The following MIS18A variants were observed in gnomAD, a reference collection of about 807,000 sequenced individuals.
MIS18A encodes protein Mis18-alpha.
In MIS18A, 14 loss-of-function variants were observed where a neutral mutation model predicts 25.0. That is an observed-to-expected ratio of 0.56 (90% CI 0.37 to 0.88). The LOEUF (loss-of-function observed/expected upper bound fraction) is 0.88. Ranked by LOEUF, MIS18A falls within the 40% of genes least tolerant of loss-of-function variation. MIS18A has a pLI of 0.00. For missense variants in MIS18A, 292 were observed against 290.8 expected (o/e 1.00, Z -0.03); for synonymous variants, 134 against 118.6 (o/e 1.13, Z -0.84).
At chr21:32,214,840 C>A in the MIS18A span, among the ~76,000 whole-genome samples, 1 of 152,234 alleles carries the variant, frequency 6.6e-6, no homozygotes, top group African/African-American at 2.4e-5. Context: ...CTCACCTGCC[C>A]AGTGATCACA....
At chr21:32,238,460 T>C in the MIS18A span, among the ~76,000 whole-genome samples, 18 of 152,286 alleles carry the variant, frequency 1.2e-4, no homozygotes, top group Non-Finnish European at 2.4e-4. Context: ...TTTTCTTTAC[T>C]TCAGTCTGGA....
the MIS18A span, among the ~76,000 whole-genome samples, chr21:32,240,424 C>T: frequency 1.3e-5 from 2 of 152,340 alleles, no homozygotes; most frequent in African/African-American, 4.8e-5. Context: ...GCCAAACCTA[C>T]GGGGCCTTGT....
the MIS18A span, among the ~76,000 whole-genome samples, chr21:32,241,607 G>A: frequency 6.6e-6 from 1 of 152,184 alleles, no homozygotes; most frequent in Non-Finnish European, 1.5e-5. Context: ...CAGACTGTCT[G>A]AAGCAGAGAT....
the MIS18A span, among the ~76,000 whole-genome samples, chr21:32,220,080 A>C: frequency 6.6e-6 from 1 of 152,108 alleles, no homozygotes; most frequent in South Asian, 2.1e-4. Context: ...CTGCCTGCTG[A>C]CTCTGAAGAG....
the MIS18A span, among the ~76,000 whole-genome samples, chr21:32,192,615 T>C: frequency 6.6e-6 from 1 of 152,212 alleles, no homozygotes; most frequent in African/African-American, 2.4e-5. Context: ...CCTCTTGCCC[T>C]GACCCTGCCC....
At chr21:32,242,785 CA>C in the MIS18A span, among the ~76,000 whole-genome samples, 15 of 152,208 alleles carry the variant, frequency 9.9e-5, no homozygotes, top group Non-Finnish European at 1.2e-4. Flanking sequence ...GATGGATGGA[CA>C]GGGGTAGTGA....
the MIS18A span, among the ~76,000 whole-genome samples, chr21:32,239,270 G>T: frequency 6.6e-6 from 1 of 152,060 alleles, no homozygotes; most frequent in African/African-American, 2.4e-5. Context: ...CAAATACCAA[G>T]TATTATTATT....
chr21:32,213,539 AG>A, the MIS18A span, among the ~76,000 whole-genome samples: 2 of 152,210 alleles, frequency 1.3e-5, no homozygotes, highest in Non-Finnish European at 2.9e-5. Context: ...TCTAGGGAGG[AG>A]AAACCAGTGG....
chr21:32,157,564 G>T, the MIS18A span, among the ~76,000 whole-genome samples: 2 of 151,898 alleles, frequency 1.3e-5, no homozygotes, highest in Non-Finnish European at 2.9e-5. Flanking sequence ...GAAGCTAAAT[G>T]ATACCAATCT....
the MIS18A span, among the ~76,000 whole-genome samples, chr21:32,228,169 A>T: frequency 1.3e-5 from 2 of 152,260 alleles, no homozygotes; most frequent in South Asian, 4.1e-4. Flanking sequence ...GCTCACTGCA[A>T]CCTCTGCCTC....
the MIS18A span, among the ~76,000 whole-genome samples, chr21:32,247,443 A>G: frequency 6.6e-6 from 1 of 152,214 alleles, no homozygotes; most frequent in African/African-American, 2.4e-5. Context: ...GGCTAGTGAC[A>G]TGGCTAGAGT....
At chr21:32,267,371 G>A (rs548486629), downstream of MIS18A, among the ~76,000 whole-genome samples, 12 of 152,036 alleles carry the variant, frequency 7.9e-5, no homozygotes, top group East Asian at 1.9e-4. Context: ...AGGAATACAC[G>A]TGCAGAGATG....
At chr21:32,197,094 C>T in the MIS18A span, among the ~76,000 whole-genome samples, 11 of 152,130 alleles carry the variant, frequency 7.2e-5, no homozygotes, top group Non-Finnish European at 8.8e-5. Flanking sequence ...TGAACTGATA[C>T]GGGTTTATTA....
the MIS18A span, among the ~76,000 whole-genome samples, chr21:32,235,735 A>C: frequency 6.6e-6 from 1 of 152,210 alleles, no homozygotes; most frequent in African/African-American, 2.4e-5. Context: ...GCGTTCAGGC[A>C]CGGTTTGAGA....
At chr21:32,202,985 T>C in the MIS18A span, among the ~76,000 whole-genome samples, 1 of 152,204 alleles carries the variant, frequency 6.6e-6, no homozygotes, top group African/African-American at 2.4e-5. Flanking sequence ...TTATTTGGGG[T>C]ATATGCCCAG....
chr21:32,196,995 C>A, the MIS18A span, among the ~76,000 whole-genome samples: 8 of 151,982 alleles, frequency 5.3e-5, no homozygotes, highest in South Asian at 1.5e-3. Flanking sequence ...TCCCAATGTA[C>A]AAGCCTGTCA....
At chr21:32,196,132 G>A in the MIS18A span, among the ~76,000 whole-genome samples, 1 of 152,192 alleles carries the variant, frequency 6.6e-6, no homozygotes, top group African/African-American at 2.4e-5. Flanking sequence ...ATGTCTGTGA[G>A]AGTGTTCTGG....
chr21:32,187,288 C>T, the MIS18A span, among the ~76,000 whole-genome samples: 2 of 152,166 alleles, frequency 1.3e-5, no homozygotes, highest in African/African-American at 2.4e-5. Flanking sequence ...GTAGCTTGAA[C>T]TTAGGACATT....
chr21:32,177,900 T>A, the MIS18A span, among the ~76,000 whole-genome samples: 1 of 93,106 alleles, frequency 1.1e-5, no homozygotes, highest in Non-Finnish European at 2.0e-5. Flanking sequence ...AATCCTGGCT[T>A]TTTTTTTCTT....
Sources: gnomAD v4.1 joint callset for allele counts (sites outside exome capture counted in the v4.1 genomes callset) on GRCh38, gnomAD v4.1.1 for gene constraint, MANE v1.5 for transcripts, NCBI Gene and HGNC (gene_info 2026-07-23, HGNC 2026-07-21) for gene names.